GPHN: variants seen among roughly 807,000 people sequenced by gnomAD.
GPHN encodes the protein gephyrin.
GPHN carries 17 observed loss-of-function variants against 95.5 expected under a neutral mutation model. The observed-to-expected ratio is 0.18, with a 90% CI of 0.12 to 0.27. GPHN has a LOEUF of 0.27. GPHN is among the 10% of genes least tolerant of loss of function. The pLI, the probability that GPHN is intolerant of heterozygous loss-of-function variation, is 1.00. For missense variants in GPHN, 660 were observed against 978.1 expected (o/e 0.67, Z 4.34); for synonymous variants, 320 against 322.5 (o/e 0.99, Z 0.08).
At chr14:67,541,595 G>T in the GPHN span, among the ~76,000 whole-genome samples, 6 of 152,176 alleles carry the variant, frequency 3.9e-5, no homozygotes, top group African/African-American at 1.4e-4. Context: ...TCTCCTTAAG[G>T]TTTCTCAGGT....
the GPHN span, among the ~76,000 whole-genome samples, chr14:67,332,414 A>G: frequency 6.6e-6 from 1 of 152,248 alleles, no homozygotes; most frequent in Non-Finnish European, 1.5e-5. Flanking sequence ...TCCATATTAC[A>G]GATGTTACTA....
At chr14:66,991,802 G>C (rs1018779587) in intron 9 of GPHN, among the ~76,000 whole-genome samples, 1 of 150,242 alleles carries the variant, frequency 6.7e-6, no homozygotes, top group African/African-American at 2.5e-5. Flanking sequence ...AACCCAGGAA[G>C]TGGAGGTTGC....
chr14:67,453,597 C>T, the GPHN span, among the ~76,000 whole-genome samples: 5 of 152,370 alleles, frequency 3.3e-5, no homozygotes, highest in South Asian at 1.0e-3. Context: ...TGAGCTGTTC[C>T]TAATCTCATG....
At chr14:67,246,722 C>T in the GPHN span, among the ~76,000 whole-genome samples, 3 of 144,368 alleles carry the variant, frequency 2.1e-5, no homozygotes, top group Non-Finnish European at 3.0e-5. Context: ...ACGATATCAG[C>T]TCACTGCAAC....
chr14:67,466,356 G>C, the GPHN span, among the ~76,000 whole-genome samples: 1 of 152,228 alleles, frequency 6.6e-6, no homozygotes, highest in African/African-American at 2.4e-5. Flanking sequence ...AGTGGAGCTG[G>C]GTCTTTGGCC....
the GPHN span, among the ~76,000 whole-genome samples, chr14:67,565,456 G>C: frequency 1.6e-3 from 241 of 152,100 alleles, 1 homozygote; most frequent in African/African-American, 4.6e-3. Context: ...TGTTGCCCAG[G>C]CTAGTCTCAA....
chr14:66,558,335 A>G (rs1240518026), intron 1 of GPHN, among the ~76,000 whole-genome samples: 1 of 152,304 alleles, frequency 6.6e-6, no homozygotes. Context: ...TGTACAAAGA[A>G]TACTGAAATA....
At chr14:67,579,468 C>T in the GPHN span, 1 of 706,744 alleles carries the variant, frequency 1.4e-6, no homozygotes, top group Non-Finnish European at 2.3e-6. Context: ...GAGATGCTGA[C>T]CAAGAAATAA....
chr14:67,202,529 A>T, the GPHN span, among the ~76,000 whole-genome samples: 1 of 152,230 alleles, frequency 6.6e-6, no homozygotes, highest in African/African-American at 2.4e-5. Context: ...CATCATTCCT[A>T]TTCTTTTACT....
chr14:66,855,131 G>A (rs947693556), intron 4 of GPHN, among the ~76,000 whole-genome samples: 6 of 152,152 alleles, frequency 3.9e-5, no homozygotes, highest in Non-Finnish European at 7.3e-5. Flanking sequence ...ATAGGCATGA[G>A]CCACCGTGCC....
chr14:67,581,151 T>A, the GPHN span: 2,166 of 691,540 alleles, frequency 3.1e-3, 41 homozygotes, highest in African/African-American at 0.034. Context: ...CCCACAGATA[T>A]AACACTGCCT....
intron 19 of GPHN, among the ~76,000 whole-genome samples, chr14:67,163,617 G>T (rs958270968): frequency 6.6e-6 from 1 of 151,982 alleles, no homozygotes; most frequent in East Asian, 1.9e-4. Context: ...AATAATGATG[G>T]CTATAAATCA....
At chr14:67,002,353 A>G (rs544971461) in intron 9 of GPHN, among the ~76,000 whole-genome samples, 1 of 139,916 alleles carries the variant, frequency 7.1e-6, no homozygotes, top group South Asian at 2.2e-4. Flanking sequence ...GAGTCTCTGA[A>G]TAGCCTGTGC....
At chr14:66,678,280 T>TA (rs1555377436) in intron 1 of GPHN, among the ~76,000 whole-genome samples, 2 of 151,754 alleles carry the variant, frequency 1.3e-5, no homozygotes, top group African/African-American at 4.9e-5. Context: ...CATTCTTTTT[T>TA]AAATTTTTTT....
At chr14:66,677,819 T>G (rs892932048) in intron 1 of GPHN, among the ~76,000 whole-genome samples, 1 of 152,172 alleles carries the variant, frequency 6.6e-6, no homozygotes, top group African/African-American at 2.4e-5. Flanking sequence ...TAAGCCATCT[T>G]TAGATCCATT....
the GPHN span, chr14:67,340,646 T>C: frequency 1.3e-6 from 1 of 781,332 alleles, no homozygotes; most frequent in Non-Finnish European, 2.1e-6. Context: ...GCAGAGAACT[T>C]GGAAAATAAA....
chr14:67,605,998 A>C, the GPHN span, among the ~76,000 whole-genome samples: 1 of 152,030 alleles, frequency 6.6e-6, no homozygotes, highest in Non-Finnish European at 1.5e-5. Flanking sequence ...ATTAGTATAT[A>C]TTTTGTATAC....
intron 16 of GPHN, among the ~76,000 whole-genome samples, chr14:67,116,735 A>G (rs1016697706): frequency 5.9e-5 from 9 of 152,314 alleles, no homozygotes; most frequent in Admixed American, 2.0e-4. Flanking sequence ...CTTAATGGAA[A>G]TATTATATTA....
the GPHN span, among the ~76,000 whole-genome samples, chr14:67,524,831 A>C: frequency 1.1e-4 from 16 of 152,162 alleles, no homozygotes; most frequent in Non-Finnish European, 2.4e-4. Flanking sequence ...GGCCCCTCTG[A>C]TCTGAACAGT....
Sources: allele counts gnomAD v4.1 joint callset (sites outside exome capture counted in the v4.1 genomes callset), GRCh38; gene constraint gnomAD v4.1.1; transcripts MANE v1.5; gene names NCBI Gene and HGNC (gene_info 2026-07-23, HGNC 2026-07-21).